ZMAT4: variants seen among roughly 807,000 people sequenced by gnomAD.
The protein encoded by ZMAT4 is zinc finger matrin-type 4, also known as zinc finger matrin-type protein 4.
In ZMAT4, 17 loss-of-function variants were observed where a neutral mutation model predicts 28.7. The observed-to-expected ratio is 0.59, with a 90% CI of 0.41 to 0.89. The LOEUF is 0.89. Ranked by LOEUF, ZMAT4 falls within the 40% of genes least tolerant of loss-of-function variation. ZMAT4 has a pLI of 0.00. For synonymous variants in ZMAT4, 117 were observed against 109.2 expected, an observed-to-expected ratio of 1.07 and a Z score of -0.44; for missense variants, 240 against 283.8, an observed-to-expected ratio of 0.85 and a Z score of 1.11.
chr8:40,822,812 G>A (rs1331122545), intron 2 of ZMAT4, among the ~76,000 whole-genome samples: 2 of 152,124 alleles, frequency 1.3e-5, no homozygotes, highest in African/African-American at 4.8e-5. Context: ...CACAATTAAT[G>A]GGAATGCATT....
At chr8:40,777,587 G>A (rs1323799973) in intron 2 of ZMAT4, among the ~76,000 whole-genome samples, 2 of 152,232 alleles carry the variant, frequency 1.3e-5, no homozygotes, top group Admixed American at 1.3e-4. Context: ...TGAAAAGCAG[G>A]GCCCCTGAAG....
chr8:40,774,682 A>ACG (rs1813517878), intron 2 of ZMAT4, among the ~76,000 whole-genome samples: 1 of 45,522 alleles, frequency 2.2e-5, no homozygotes, highest in Admixed American at 1.7e-4. Context: ...AATGACATAG[A>ACG]AATATATATA....
At chr8:40,832,174 A>G (rs1307201298) in intron 1 of ZMAT4, among the ~76,000 whole-genome samples, 1 of 152,078 alleles carries the variant, frequency 6.6e-6, no homozygotes. Context: ...CACCATAAAA[A>G]TTCATAAAAG....
chr8:40,755,281 A>G (rs1812632687), intron 3 of ZMAT4, among the ~76,000 whole-genome samples: 1 of 152,186 alleles, frequency 6.6e-6, no homozygotes, highest in South Asian at 2.1e-4. Context: ...GGCAGCAAAC[A>G]TCTTCTGTAA....
At chr8:40,543,379 C>A (rs548961963) in intron 6 of ZMAT4, among the ~76,000 whole-genome samples, 1 of 152,220 alleles carries the variant, frequency 6.6e-6, no homozygotes, top group Non-Finnish European at 1.5e-5. Flanking sequence ...GCAAAGGCAG[C>A]GATGGGTGTA....
chr8:40,653,935 C>G (rs967853285), intron 5 of ZMAT4, among the ~76,000 whole-genome samples: 2 of 152,144 alleles, frequency 1.3e-5, no homozygotes, highest in African/African-American at 4.8e-5. Flanking sequence ...ATAAATGAGC[C>G]AAAGATGGCC....
chr8:40,862,617 T>C (rs1393135190), intron 1 of ZMAT4, among the ~76,000 whole-genome samples: 3 of 129,656 alleles, frequency 2.3e-5, no homozygotes, highest in African/African-American at 8.8e-5. Context: ...TTGGCACATA[T>C]ACACCATGGA....
At chr8:40,731,319 G>T (rs911957549) in intron 3 of ZMAT4, among the ~76,000 whole-genome samples, 14 of 151,998 alleles carry the variant, frequency 9.2e-5, no homozygotes, top group African/African-American at 3.4e-4. Context: ...GAAAATGACT[G>T]CACATGCCCA....
chr8:40,780,937 G>A (rs779586293), intron 2 of ZMAT4, among the ~76,000 whole-genome samples: 18 of 152,146 alleles, frequency 1.2e-4, no homozygotes, highest in African/African-American at 4.1e-4. Flanking sequence ...AAACTTCATG[G>A]TGGATCAGAA....
chr8:40,756,624 AGTGTGTGT>A (rs58686349), intron 3 of ZMAT4, among the ~76,000 whole-genome samples: 2,866 of 139,500 alleles, frequency 0.021, 104 homozygotes, highest in East Asian at 0.14. Flanking sequence ...TATGTTTGTA[AGTGTGTGT>A]GTGTGTGTGT....
Position 40,687,422 on chromosome 8 carries a change from G to T in ZMAT4, c.349+9823C>A, listed in dbSNP as rs930180282. 3.9e-5 allele frequency among the ~76,000 whole-genome samples: 6 copies of T among 152,138 alleles called. No individual in the cohort carries two copies. The East Asian group carries it at 9.7e-4, about 24-fold the overall frequency. On this transcript the variant is annotated intron_variant, in intron 4 of 6. Coordinates refer to ENST00000297737, the MANE Select transcript of ZMAT4 (RefSeq NM_024645.3). ...TAAGGATTATTAATACCTGATGGGGGAGGGAGAGATATTGGGTAAAGCATA... is the reference window on the plus strand; with the variant it reads ...TAAGGATTATTAATACCTGATGGGGTAGGGAGAGATATTGGGTAAAGCATA...
intron 1 of ZMAT4, among the ~76,000 whole-genome samples, chr8:40,865,381 A>G (rs949201329): frequency 1.8e-4 from 28 of 152,132 alleles, no homozygotes; most frequent in African/African-American, 6.3e-4. Context: ...CTGCATCACC[A>G]CTGCAGCCTG....
chr8:40,654,267 A>G (rs1807818921), intron 5 of ZMAT4, among the ~76,000 whole-genome samples: 1 of 152,126 alleles, frequency 6.6e-6, no homozygotes, highest in Non-Finnish European at 1.5e-5. Context: ...CTCTCTGATT[A>G]TCTTCTCCTT....
At chr8:40,704,461 C>T (rs1810270590) in intron 3 of ZMAT4, among the ~76,000 whole-genome samples, 1 of 152,336 alleles carries the variant, frequency 6.6e-6, no homozygotes, top group South Asian at 2.1e-4. Context: ...CTGCAAATTT[C>T]ATCCACATCT....
intron 1 of ZMAT4, among the ~76,000 whole-genome samples, chr8:40,833,728 C>T (rs1335799283): frequency 2.0e-5 from 3 of 152,166 alleles, no homozygotes; most frequent in South Asian, 2.1e-4. Flanking sequence ...CAGGAGAATC[C>T]CCCATGCAGC....
intron 1 of ZMAT4, among the ~76,000 whole-genome samples, chr8:40,856,259 T>C (rs1226654221): frequency 2.0e-5 from 3 of 152,044 alleles, no homozygotes; most frequent in Admixed American, 2.0e-4. Flanking sequence ...AGATACTAAG[T>C]AGAGGAGAAA....
chr8:40,726,542 T>C (rs1455185849), intron 3 of ZMAT4, among the ~76,000 whole-genome samples: 3 of 152,230 alleles, frequency 2.0e-5, no homozygotes, highest in Admixed American at 1.3e-4. Context: ...AGTAATCTCA[T>C]AGCTGTTCCG....
intron 3 of ZMAT4, among the ~76,000 whole-genome samples, chr8:40,741,773 G>A (rs887675237): frequency 2.6e-5 from 4 of 152,050 alleles, no homozygotes; most frequent in Non-Finnish European, 4.4e-5. Flanking sequence ...GTAAGTTCCT[G>A]TACCAGTGGA....
chr8:40,811,519 T>C (rs1373581400), intron 2 of ZMAT4, among the ~76,000 whole-genome samples: 1 of 152,162 alleles, frequency 6.6e-6, no homozygotes, highest in Non-Finnish European at 1.5e-5. Context: ...CGTAGTGGAT[T>C]AGCATCTAAG....
Sources: gnomAD v4.1 joint callset for allele counts (sites outside exome capture counted in the v4.1 genomes callset) on GRCh38, gnomAD v4.1.1 for gene constraint, MANE v1.5 for transcripts, NCBI Gene and HGNC (gene_info 2026-07-23, HGNC 2026-07-21) for gene names.